The following CALN1 variants were observed in gnomAD, a reference collection of about 807,000 sequenced individuals.
CALN1 encodes the protein calcium-binding protein 8.
CALN1 carries 17 observed loss-of-function variants against 30.6 expected under a neutral mutation model. The observed-to-expected ratio is 0.56, with a 90% CI of 0.38 to 0.83. CALN1 has a LOEUF of 0.83. Among genes scored for constraint, CALN1 ranks in the 40% least tolerant of loss-of-function variants. The probability of loss-of-function intolerance (pLI) is 0.00; values close to 1 mark genes in which losing one functional copy is unlikely to be tolerated. For missense variants in CALN1, 291 were observed against 354.9 expected (o/e 0.82, Z 1.45); for synonymous variants, 156 against 131.4 (o/e 1.19, Z -1.28).
chr7:71,817,255 T>C (rs760248072), intron 5 of CALN1, among the ~76,000 whole-genome samples: 1 of 152,186 alleles, frequency 6.6e-6, no homozygotes, highest in Non-Finnish European at 1.5e-5. Flanking sequence ...AACATTTTCA[T>C]TATCATTAGT....
At chr7:72,287,607 C>T (rs1366889620) in intron 2 of CALN1, among the ~76,000 whole-genome samples, 3 of 151,832 alleles carry the variant, frequency 2.0e-5, no homozygotes, top group African/African-American at 7.3e-5. Flanking sequence ...CCACGACGCA[C>T]GGCTAATTTT....
intron 3 of CALN1, among the ~76,000 whole-genome samples, chr7:72,210,860 G>A (rs1049231016): frequency 6.6e-6 from 1 of 151,688 alleles, no homozygotes; most frequent in African/African-American, 2.4e-5. Flanking sequence ...AGACCAGCCT[G>A]GGAAAGATGA....
chr7:72,459,075 C>T, the CALN1 span, among the ~76,000 whole-genome samples: 2 of 135,472 alleles, frequency 1.5e-5, no homozygotes, highest in African/African-American at 5.7e-5. Context: ...CCACTCCTGG[C>T]TAAATTTTGT....
chr7:71,903,978 G>A (rs1029610099), intron 5 of CALN1, among the ~76,000 whole-genome samples: 3 of 152,128 alleles, frequency 2.0e-5, no homozygotes, highest in African/African-American at 7.2e-5. Flanking sequence ...TCAGGGACAT[G>A]CAAATCAAAA....
At chr7:71,964,713 T>C (rs576446222) in intron 5 of CALN1, among the ~76,000 whole-genome samples, 7 of 151,700 alleles carry the variant, frequency 4.6e-5, no homozygotes, top group African/African-American at 1.7e-4. Flanking sequence ...CTTTATTTCA[T>C]TCCAAAGTAT....
rs749585 is a variant in CALN1, at chr7:71,786,770, T to A, written c.*1005A>T. 26,875 of 152,032 alleles carry A rather than the reference T, an allele frequency of 0.18. 2,917 individuals carry two copies. The highest frequency in any genetic ancestry group is 0.51 in the East Asian group (2,617 of 5,114). The allele number at this position is 152,032 out of a possible 1,614,324, so 9.4% of individuals were successfully genotyped here. The stretch of plus-strand genomic sequence containing the variant: ...ACAAAGGTCATCCGGCATAGAGACG[T>A]GGTGGGTCTCCATGACTCCAGATGG... On this transcript the variant is annotated 3_prime_UTR_variant, in exon 7 of 7. Coordinates refer to ENST00000395275, the MANE Select transcript of CALN1 (RefSeq NM_031468.4).
chr7:71,854,404 A>T (rs1790824245), intron 5 of CALN1, among the ~76,000 whole-genome samples: 1 of 152,138 alleles, frequency 6.6e-6, no homozygotes, highest in South Asian at 2.1e-4. Context: ...AAGGAAAGAA[A>T]AAAAGAAACT....
intron 4 of CALN1, among the ~76,000 whole-genome samples, chr7:72,053,307 A>G (rs1201025160): frequency 6.6e-6 from 1 of 152,252 alleles, no homozygotes; most frequent in Non-Finnish European, 1.5e-5. Flanking sequence ...GAAAGTAAAA[A>G]GCATGATTTT....
chr7:72,347,414 GTGCCATCA>G lies in CALN1; in HGVS notation c.119+55829_119+55836del, dbSNP rs1320982749. On this transcript the variant is annotated intron_variant, in intron 2 of 6. Coordinates refer to ENST00000395275, the MANE Select transcript of CALN1 (RefSeq NM_031468.4). ...CCTGAGTAGCTGGGATTACAGGCAT[GTGCCATCA>G]TGCCTGGCTAATTTTGTATTTTTAG... Among the ~76,000 whole-genome samples, 3 of 151,892 alleles carry G rather than the reference GTGCCATCA, an allele frequency of 2.0e-5. No homozygotes were observed. In the East Asian group the frequency reaches 5.8e-4, roughly 29 times the overall value.
At chr7:72,125,455 G>A (rs1030168994) in intron 3 of CALN1, among the ~76,000 whole-genome samples, 3 of 152,224 alleles carry the variant, frequency 2.0e-5, no homozygotes, top group African/African-American at 7.2e-5. Flanking sequence ...CCATCCACTA[G>A]GGGAAGACAG....
At chr7:72,415,042 A>G (rs978823460), upstream of CALN1, among the ~76,000 whole-genome samples, 14 of 152,246 alleles carry the variant, frequency 9.2e-5, 1 homozygote, top group Non-Finnish European at 1.9e-4. Context: ...GGACACAGCA[A>G]GAAGGCAGCT....
At chr7:72,235,062 C>G (rs1371858381) in intron 3 of CALN1, among the ~76,000 whole-genome samples, 1 of 152,000 alleles carries the variant, frequency 6.6e-6, no homozygotes, top group African/African-American at 2.4e-5. Flanking sequence ...TCTGGAAGTT[C>G]AGAAGTTTGA....
intron 5 of CALN1, among the ~76,000 whole-genome samples, chr7:71,914,764 T>C (rs947388361): frequency 1.3e-5 from 2 of 152,144 alleles, no homozygotes; most frequent in African/African-American, 2.4e-5. Flanking sequence ...TGGTGTCTCA[T>C]TGTAGTTTTG....
At chr7:72,271,368 G>C (rs1796958895) in intron 3 of CALN1, among the ~76,000 whole-genome samples, 2 of 151,626 alleles carry the variant, frequency 1.3e-5, no homozygotes, top group Admixed American at 1.3e-4. Context: ...CACATCTATA[G>C]AGGTTTAGGA....
Position 72,028,274 on chromosome 7 carries a change from C to T in CALN1, c.389-4505G>A, listed in dbSNP as rs528010348. On this transcript the variant is annotated intron_variant, in intron 4 of 6. Transcript: ENST00000395275. ...AGGTAGCAAGAGGAGCAAGACCACC[C>T]ACCTCTGAAACCTCGACTCAGGGTG... 1.7e-4 allele frequency among the ~76,000 whole-genome samples: 22 copies of T among 131,278 alleles called. 1 individual carries two copies. The highest frequency in any genetic ancestry group is 1.4e-3 in the Admixed American group (20 of 14,558). The allele number at this position is 131,278 out of a possible 152,430, so 86.1% of individuals were successfully genotyped here.
chr7:72,332,782 G>A (rs1049755971), intron 2 of CALN1, among the ~76,000 whole-genome samples: 17 of 152,088 alleles, frequency 1.1e-4, no homozygotes, highest in African/African-American at 4.1e-4. Context: ...GATCCTAACT[G>A]ACAACTCTCC....
In CALN1 at chr7:72,038,373, ATT is replaced by A. The variant is rs60584202; in HGVS notation, c.389-14606_389-14605del. 6.0e-3 allele frequency among the ~76,000 whole-genome samples: 873 copies of A among 144,742 alleles called. 4 individuals are homozygous for A. Among genetic ancestry groups the A allele is most frequent in the African/African-American group, 0.02 (798 of 39,794 alleles). The allele number at this position is 144,742 out of a possible 152,430, so 95.0% of individuals were successfully genotyped here. ...TTACTTTTGCACCAACCTAGTATCTATTTTTTTTTTTTTCTTTTTTGAGATAG... is the reference window on the plus strand; with the variant it reads ...TTACTTTTGCACCAACCTAGTATCTATTTTTTTTTTTCTTTTTTGAGATAG... On this transcript the variant is annotated intron_variant, in intron 4 of 6. Transcript: ENST00000395275.
chr7:72,147,775 A>G (rs1326345038), intron 3 of CALN1, among the ~76,000 whole-genome samples: 2 of 152,084 alleles, frequency 1.3e-5, no homozygotes, highest in African/African-American at 4.8e-5. Flanking sequence ...GCCATAAAAA[A>G]TAATGAGTTC....
At chr7:72,269,364 C>A (rs1054324067) in intron 3 of CALN1, among the ~76,000 whole-genome samples, 1 of 152,094 alleles carries the variant, frequency 6.6e-6, no homozygotes, top group African/African-American at 2.4e-5. Flanking sequence ...CCCCCTGCCC[C>A]CACTCCACAA....
Sources: allele counts gnomAD v4.1 joint callset (sites outside exome capture counted in the v4.1 genomes callset), GRCh38; gene constraint gnomAD v4.1.1; transcripts MANE v1.5; gene names NCBI Gene and HGNC (gene_info 2026-07-23, HGNC 2026-07-21).